Variants in GOLGA4 observed in about 807,000 individuals in gnomAD.
GOLGA4 encodes the protein golgin A4.
In GOLGA4, 169 loss-of-function variants were observed where a neutral mutation model predicts 265.9. The observed-to-expected ratio is 0.64, with a 90% CI of 0.56 to 0.72. GOLGA4 has a LOEUF of 0.72. GOLGA4 is among the 30% of genes least tolerant of loss of function. GOLGA4 has a pLI of 0.00. For missense variants in GOLGA4, 2,482 were observed against 2,483.4 expected, an observed-to-expected ratio of 1.00 and a Z score of 0.01; for synonymous variants, 923 against 855.8, an observed-to-expected ratio of 1.08 and a Z score of -1.37.
At chr3:37,283,784 C>G (rs1055237153) in intron 3 of GOLGA4, among the ~76,000 whole-genome samples, 8 of 152,300 alleles carry the variant, frequency 5.3e-5, no homozygotes, top group Admixed American at 3.9e-4. Flanking sequence ...ACCTCAGCCT[C>G]CCAAAGGGCT....
At chr3:37,248,229 C>G (rs1273795400) in intron 1 of GOLGA4, among the ~76,000 whole-genome samples, 2 of 152,180 alleles carry the variant, frequency 1.3e-5, no homozygotes, top group Admixed American at 1.3e-4. Flanking sequence ...CTTGCCTTGG[C>G]CTCTCAAAGT....
chr3:37,301,643 T>A (rs2096892953), intron 9 of GOLGA4, among the ~76,000 whole-genome samples: 1 of 152,244 alleles, frequency 6.6e-6, no homozygotes, highest in African/African-American at 2.4e-5. Context: ...ATTAAACTAT[T>A]AAAATTTTTA....
intron 14 of GOLGA4, among the ~76,000 whole-genome samples, chr3:37,328,207 A>G (rs1051921824): frequency 1.3e-5 from 2 of 151,488 alleles, no homozygotes; most frequent in Non-Finnish European, 2.9e-5. Flanking sequence ...CACTACTTAG[A>G]GGTAATCATA....
Position 37,299,022 on chromosome 3 carries a change from TA to T in GOLGA4, c.1002+6del. On this transcript the variant is annotated splice_donor_region_variant and intron_variant, in intron 8 of 23. Transcript: ENST00000361924. ...CTTCAAGAACTAGAAAAGATAAAGG[TA>T]AAAGAGCAGATGAGTTTTGTTCTAA... 1 of 1,583,454 alleles carries T rather than the reference TA, an allele frequency of 6.3e-7. No homozygotes were observed.
At chr3:37,320,628 A>G (rs964085021) in intron 12 of GOLGA4, among the ~76,000 whole-genome samples, 3 of 152,352 alleles carry the variant, frequency 2.0e-5, no homozygotes, top group East Asian at 1.9e-4. Context: ...AAACTGTAAC[A>G]GTACAACATA....
chr3:37,298,028 C>CAA (rs1189924321), intron 7 of GOLGA4, among the ~76,000 whole-genome samples: 1 of 141,678 alleles, frequency 7.1e-6, no homozygotes, highest in African/African-American at 2.6e-5. Flanking sequence ...GGCTCCGTCT[C>CAA]AAAAAAAAAA....
chr3:37,327,370 G>C lies in GOLGA4; in HGVS notation c.5484G>C (p.Lys1828Asn), dbSNP rs758032521. ...KEGGKNNIQA[K>N]QNLENVFDDV... is the part of the protein sequence containing the mutation. ...GAGGTAAAAATAACATACAGGCAAA[G>C]CAAAACTTGGAAAATGTGTTTGACG... The change falls in exon 14 of 24, where the codon AAG (lysine) becomes AAC (asparagine). Residue 1828 changes from lysine (K) to asparagine (N), a missense_variant. By Grantham distance (94) the Lys-to-Asn change is moderately conservative. Around this residue, in one of 3 missense-constraint regions of GOLGA4, gnomAD observed 942 missense variants for 983.1 expected, o/e 0.96. Coordinates refer to ENST00000361924, the MANE Select transcript of GOLGA4 (RefSeq NM_002078.5). 2 of 1,613,762 alleles carry C rather than the reference G, an allele frequency of 1.2e-6. No individual in the cohort carries two copies. Among genetic ancestry groups the C allele is most frequent in the Non-Finnish European group, 1.7e-6 (2 of 1,179,824 alleles).
chr3:37,298,101 G>A (rs910299197), intron 7 of GOLGA4, among the ~76,000 whole-genome samples: 14 of 152,194 alleles, frequency 9.2e-5, no homozygotes, highest in Admixed American at 3.9e-4. Context: ...ATTTGTAACC[G>A]CCCAAAGGGT....
intron 11 of GOLGA4, among the ~76,000 whole-genome samples, chr3:37,317,834 C>G (rs2096942269): frequency 6.6e-6 from 1 of 152,010 alleles, no homozygotes; most frequent in Admixed American, 6.5e-5. Context: ...GAGAATTAGG[C>G]CTTTGCACAT....
chr3:37,329,257 T>C lies in GOLGA4; in HGVS notation c.6192+164T>C, dbSNP rs941150182. 13 of 494,492 alleles carry C rather than the reference T, an allele frequency of 2.6e-5. No individual in the cohort carries two copies. In the African/African-American group the frequency reaches 2.6e-4, roughly 10 times the overall value. The allele number at this position is 494,492 out of a possible 1,614,324, so 30.6% of individuals were successfully genotyped here. On this transcript the variant is annotated intron_variant, in intron 16 of 23. Coordinates refer to ENST00000361924, the MANE Select transcript of GOLGA4 (RefSeq NM_002078.5). ...TACTGTTATATGCAGATTTATAAAG[T>C]TGAGTTGATTTCTGCCAGGATTGTA...
At chr3:37,259,000 G>A (rs1478821067) in intron 2 of GOLGA4, among the ~76,000 whole-genome samples, 1 of 151,922 alleles carries the variant, frequency 6.6e-6, no homozygotes, top group Non-Finnish European at 1.5e-5. Flanking sequence ...CATGAAACGA[G>A]TTGGGAAGTG....
chr3:37,251,819 G>C (rs574554878), intron 2 of GOLGA4, among the ~76,000 whole-genome samples: 2 of 152,108 alleles, frequency 1.3e-5, no homozygotes, highest in South Asian at 4.2e-4. Context: ...TGAGTAGCTG[G>C]GACTATAGGC....
intron 20 of GOLGA4, chr3:37,341,665 C>T (rs143840832): frequency 1.3e-5 from 2 of 152,314 alleles, no homozygotes; most frequent in Non-Finnish European, 2.9e-5. Context: ...AGCCATACCA[C>T]CGTGAATGCT....
intron 2 of GOLGA4, among the ~76,000 whole-genome samples, chr3:37,256,742 A>C (rs1295333262): frequency 6.6e-6 from 1 of 152,004 alleles, no homozygotes; most frequent in Non-Finnish European, 1.5e-5. Flanking sequence ...GTTGCTTTAG[A>C]GCAACATGTG....
At chr3:37,271,737 A>C (rs2150720083) in intron 2 of GOLGA4, among the ~76,000 whole-genome samples, 1 of 152,240 alleles carries the variant, frequency 6.6e-6, no homozygotes, top group African/African-American at 2.4e-5. Context: ...ATATCTCTAA[A>C]ACAGTGCTTC....
At chr3:37,297,397 A>T (rs1325068274) in intron 7 of GOLGA4, among the ~76,000 whole-genome samples, 2 of 140,812 alleles carry the variant, frequency 1.4e-5, no homozygotes, top group Non-Finnish European at 3.1e-5. Flanking sequence ...AGAAAGTTGC[A>T]CTTACCAGAA....
rs760133873 is a variant in GOLGA4, at chr3:37,326,555, A to C, written c.4669A>C (p.Ile1557Leu). ...VLKNYNQQKD[I>L]EHKELVQKLQ... ...TAAAAATTACAATCAACAAAAGGATATTGAACACAAAGAATTGGTTCAGAA... is the reference window on the plus strand; with the variant it reads ...TAAAAATTACAATCAACAAAAGGATCTTGAACACAAAGAATTGGTTCAGAA... Residue 1557 changes from isoleucine (I) to leucine (L), a missense_variant, in exon 14 of 24, where the codon ATT (isoleucine) becomes CTT (leucine). This residue lies in a region of GOLGA4 where 942 missense variants were observed against 983.1 expected (regional missense o/e 0.96). Transcript: ENST00000361924. 1.7e-5 allele frequency: 27 copies of C among 1,611,306 alleles called. No homozygotes were observed. Among genetic ancestry groups the C allele is most frequent in the Non-Finnish European group, 2.1e-5 (25 of 1,178,132 alleles).
rs756993688 is a variant in GOLGA4, at chr3:37,275,256, C to CA, written c.163-6695dup. On this transcript the variant is annotated intron_variant, in intron 2 of 23. Transcript: ENST00000361924. ...AAAAAAAAAAAGAAAAAAAAAACCC[C>CA]AAAAAAACAAATGTTTAAATGAGCT... 6.0e-3 allele frequency among the ~76,000 whole-genome samples: 880 copies of CA among 146,950 alleles called. 6 individuals carry two copies. Among genetic ancestry groups the CA allele is most frequent in the Middle Eastern group, 0.011 (3 of 282 alleles).
chr3:37,260,070 CTT>C (rs1175354609), intron 2 of GOLGA4, among the ~76,000 whole-genome samples: 1 of 149,898 alleles, frequency 6.7e-6, no homozygotes, highest in Non-Finnish European at 1.5e-5. Flanking sequence ...GGTGTCTAAT[CTT>C]TTGGCTTCCC....
Sources: gnomAD v4.1 joint callset for allele counts (sites outside exome capture counted in the v4.1 genomes callset) on GRCh38, gnomAD v4.1.1 for gene constraint, gnomAD v4.1.1 regional missense constraint, MANE v1.5 for transcripts, NCBI Gene and HGNC (gene_info 2026-07-23, HGNC 2026-07-21) for gene names.